The following FAM217B variants were observed in gnomAD, a reference collection of about 807,000 sequenced individuals.
FAM217B encodes family with sequence similarity 217 member B, also known as protein FAM217B.
For synonymous variants in FAM217B, 163 were observed against 173.0 expected (o/e 0.94, Z 0.45); for missense variants, 463 against 456.9 (o/e 1.01, Z -0.12).
At chr20:59,939,349 C>A, upstream of FAM217B, 1 of 1,611,056 alleles carries the variant, frequency 6.2e-7, no homozygotes, top group South Asian at 1.1e-5. Flanking sequence ...ACGTTGCACA[C>A]GCGCACCGTA....
At chr20:59,939,263 C>T, upstream of FAM217B, 5 of 1,611,672 alleles carry the variant, frequency 3.1e-6, no homozygotes, top group Non-Finnish European at 4.2e-6. Context: ...CGGGCCCGCG[C>T]CACCGCGCCA....
intron 1 of FAM217B, among the ~76,000 whole-genome samples, chr20:59,934,379 GCGAAAGGGTCT>G (rs2060841016): frequency 6.6e-6 from 1 of 152,222 alleles, no homozygotes; most frequent in South Asian, 2.1e-4. Context: ...AGGCACAGCC[GCGAAAGGGTCT>G]CCTTGCCCCT....
At chr20:59,941,776 C>T (rs1280818343) in intron 1 of FAM217B, among the ~76,000 whole-genome samples, 1 of 152,184 alleles carries the variant, frequency 6.6e-6, no homozygotes, top group Non-Finnish European at 1.5e-5. Context: ...CTGGGTACTC[C>T]TGTAATTATT....
At position 59,948,135 on chromosome 20, in the gene FAM217B, T is replaced by G. The variant is rs2060948407; in HGVS notation, c.*3040T>G. On this transcript the variant is annotated 3_prime_UTR_variant, in exon 4 of 4. Coordinates refer to ENST00000360816, the MANE Select transcript of FAM217B (RefSeq NM_022106.3). ...AAAAAGTACAAAAATGAACTAAAAG[T>G]ATATCAGTATTTGCAGTATTTGCTG... is the stretch of plus-strand genomic sequence containing the variant. The G allele has an allele frequency of 6.0e-6, 1 of 166,298 alleles. No individual in the cohort carries two copies. Among genetic ancestry groups the G allele is most frequent in the African/African-American group, 2.4e-5 (1 of 41,340 alleles). The allele number at this position is 166,298 out of a possible 1,614,324, so 10.3% of individuals were successfully genotyped here.
chr20:59,935,099 AT>A (rs1261599709), intron 1 of FAM217B, among the ~76,000 whole-genome samples: 2 of 152,236 alleles, frequency 1.3e-5, no homozygotes, highest in Non-Finnish European at 2.9e-5. Context: ...TTAAGTACTA[AT>A]AATGTATAAC....
Position 59,945,391 on chromosome 20 carries a change from T to A in FAM217B, c.*296T>A, listed in dbSNP as rs1307726959. 1 of 285,228 alleles carries A rather than the reference T, an allele frequency of 3.5e-6. No homozygotes were observed. Among genetic ancestry groups the A allele is most frequent in the Non-Finnish European group, 7.1e-6 (1 of 141,676 alleles). 17.7% of individuals were successfully genotyped at this position (285,228 alleles called of 1,614,324 possible). On this transcript the variant is annotated 3_prime_UTR_variant, in exon 4 of 4. Transcript: ENST00000360816. ...AAATGGCACCTCTCCAGGGAAAGTG[T>A]CAGTGAAACCTCAGCTACAGTAGCC...
chr20:59,946,983 A>G lies in FAM217B; in HGVS notation c.*1888A>G, dbSNP rs533731631. ...CTGCTAGATTTTTATGCAGCTCTCT[A>G]TGAAGTTTCATGGCCCATAGATATT... On this transcript the variant is annotated 3_prime_UTR_variant, in exon 4 of 4. Transcript: ENST00000360816. 4.8e-5 allele frequency: 8 copies of G among 167,120 alleles called. No homozygotes were observed. In the East Asian group the frequency reaches 7.7e-4, roughly 16 times the overall value. 10.4% of individuals were successfully genotyped at this position (167,120 alleles called of 1,614,324 possible).
chr20:59,939,829 C>A, upstream of FAM217B: 1 of 1,237,822 alleles, frequency 8.1e-7, no homozygotes, highest in Non-Finnish European at 1.0e-6. Flanking sequence ...GGCTCCAGGG[C>A]CACGCCGCCG....
At chr20:59,941,326 T>C (rs147598994) in intron 1 of FAM217B, among the ~76,000 whole-genome samples, 2 of 152,324 alleles carry the variant, frequency 1.3e-5, no homozygotes, top group East Asian at 3.9e-4. Context: ...GCATCTAAAA[T>C]GAGTCAAGGC....
chr20:59,934,173 A>AG (rs893499208), intron 1 of FAM217B, among the ~76,000 whole-genome samples: 1 of 152,100 alleles, frequency 6.6e-6, no homozygotes, highest in African/African-American at 2.4e-5. Context: ...TCCTGCCGGC[A>AG]GGGGGCGCAG....
intron 3 of FAM217B, among the ~76,000 whole-genome samples, chr20:59,943,622 G>C (rs2060917650): frequency 1.3e-5 from 2 of 151,436 alleles, no homozygotes; most frequent in Admixed American, 6.6e-5. Flanking sequence ...TTTTTTTAAA[G>C]TACACACGAA....
chr20:59,945,059 A>C lies in FAM217B; in HGVS notation c.1116A>C (p.Thr372=). The C allele has an allele frequency of 6.2e-7, 1 of 1,604,724 alleles. No individual in the cohort carries two copies. The highest frequency in any genetic ancestry group is 8.5e-7 in the Non-Finnish European group (1 of 1,177,432). ...ATVSSEKKLK[T]NGVKQNTYKL... is the part of the protein sequence containing the mutation. The stretch of plus-strand genomic sequence containing the variant: ...TATCGAGTGAGAAAAAACTGAAAAC[A>C]AACGGAGTAAAGCAAAACACATATA... Residue 372 remains threonine (T), a synonymous_variant, in exon 4 of 4, where the codon ACA becomes ACC. Transcript: ENST00000360816.
chr20:59,937,083 A>C (rs748245304), upstream of FAM217B: 4 of 152,666 alleles, frequency 2.6e-5, no homozygotes, highest in Non-Finnish European at 4.4e-5. Context: ...CGGGAGGTTC[A>C]CTTAATATTA....
rs1433960699 is a variant in FAM217B, at chr20:59,946,733, G to A, written c.*1638G>A. On this transcript the variant is annotated 3_prime_UTR_variant, in exon 4 of 4. Transcript: ENST00000360816. ...CTTTTATGCTAAGATCTTACTTTAA[G>A]CTTTTTATGTGAACAAAAGATGTAC... is the stretch of plus-strand genomic sequence containing the variant. 1 of 167,006 alleles carries A rather than the reference G, an allele frequency of 6.0e-6. No homozygotes were observed. The highest frequency in any genetic ancestry group is 1.5e-5 in the Non-Finnish European group (1 of 68,114). 10.3% of individuals were successfully genotyped at this position (167,006 alleles called of 1,614,324 possible). A position where few individuals can be genotyped will look rare whatever the true frequency, so the allele number is the denominator to read the frequency against.
Position 59,944,682 on chromosome 20 carries a change from T to C in FAM217B, c.739T>C (p.Ser247Pro), listed in dbSNP as rs779996401. The C allele has an allele frequency of 6.8e-6, 11 of 1,614,070 alleles. No individual in the cohort carries two copies. The highest frequency in any genetic ancestry group is 1.7e-5 in the Admixed American group (1 of 60,006). ...GGAAGGGGCTTCAAAGTCAGGCCCT[T>C]CCCGAAAGAAAGCTTTTCACCATGA... ...HQEGASKSGP[S>P]RKKAFHHEEI... Residue 247 changes from serine to proline, a missense_variant, in exon 4 of 4, where the codon TCC becomes CCC. Ser to Pro is a moderately conservative substitution (Grantham distance 74). Coordinates refer to ENST00000360816, the MANE Select transcript of FAM217B (RefSeq NM_022106.3).
chr20:59,935,392 A>G (rs1306388073), upstream of FAM217B, among the ~76,000 whole-genome samples: 1 of 152,190 alleles, frequency 6.6e-6, no homozygotes, highest in East Asian at 1.9e-4. Context: ...TGGAAGAAAA[A>G]AAGGATATCA....
chr20:59,945,147 G>A lies in FAM217B; in HGVS notation c.*52G>A, dbSNP rs763790391. The A allele has an allele frequency of 2.6e-5, 37 of 1,397,992 alleles. No individual in the cohort carries two copies. Among genetic ancestry groups the A allele is most frequent in the South Asian group, 1.1e-4 (7 of 65,362 alleles). The allele number at this position is 1,397,992 out of a possible 1,614,324, so 86.6% of individuals were successfully genotyped here. ...CCTGCAGGTACCTCAATGTTAGAGC[G>A]CTTCCAAAAGTCAAAATACTGTGAA... is the stretch of plus-strand genomic sequence containing the variant. On this transcript the variant is annotated 3_prime_UTR_variant, in exon 4 of 4. Transcript: ENST00000360816.
At chr20:59,940,022 G>A, upstream of FAM217B, 1 of 1,108,376 alleles carries the variant, frequency 9.0e-7, no homozygotes, top group African/African-American at 1.6e-5. Flanking sequence ...GCCGCAGAGA[G>A]TCCACCGTAT....
At chr20:59,937,169 T>C (rs1315965999), upstream of FAM217B, 1 of 152,690 alleles carries the variant, frequency 6.5e-6, no homozygotes, top group East Asian at 1.9e-4. Flanking sequence ...ATTCTCTACA[T>C]GCCTTAAAAT....
Sources: gnomAD v4.1 joint callset for allele counts (sites outside exome capture counted in the v4.1 genomes callset) on GRCh38, gnomAD v4.1.1 for gene constraint, MANE v1.5 for transcripts, NCBI Gene and HGNC (gene_info 2026-07-23, HGNC 2026-07-21) for gene names.